The following ARHGAP10 variants were observed in gnomAD, a reference collection of about 807,000 sequenced individuals.
ARHGAP10 encodes the protein Rho GTPase activating protein 10, also known as rho GTPase-activating protein 10.
ARHGAP10 carries 87 observed loss-of-function variants against 108.6 expected under a neutral mutation model. That is an observed-to-expected ratio of 0.80 (90% confidence interval 0.67 to 0.96). The LOEUF (loss-of-function observed/expected upper bound fraction) is 0.96. ARHGAP10 is among the 40% of genes least tolerant of loss of function. The probability of loss-of-function intolerance (pLI) is 0.00; values close to 1 mark genes in which losing one functional copy is unlikely to be tolerated. For synonymous variants in ARHGAP10, 347 were observed against 341.1 expected (o/e 1.02, Z -0.19); for missense variants, 939 against 954.5 (o/e 0.98, Z 0.21).
At chr4:147,856,636 G>C (rs370422245) in intron 4 of ARHGAP10, among the ~76,000 whole-genome samples, 4 of 152,100 alleles carry the variant, frequency 2.6e-5, no homozygotes, top group Non-Finnish European at 5.9e-5. Flanking sequence ...TGAATTTCAC[G>C]TTTAGACTTA....
chr4:147,890,352 A>G (rs1387108855), intron 10 of ARHGAP10, among the ~76,000 whole-genome samples: 1 of 152,196 alleles, frequency 6.6e-6, no homozygotes, highest in Non-Finnish European at 1.5e-5. Context: ...AATTTACCAA[A>G]GGGTTACTTT....
chr4:148,034,837 G>A (rs1035918807), intron 19 of ARHGAP10, among the ~76,000 whole-genome samples: 4 of 152,062 alleles, frequency 2.6e-5, no homozygotes, highest in African/African-American at 9.7e-5. Context: ...AGTAGTTTTG[G>A]GTTCCCAAGA....
chr4:147,903,881 T>C (rs1278643240), intron 10 of ARHGAP10, among the ~76,000 whole-genome samples: 1 of 152,246 alleles, frequency 6.6e-6, no homozygotes, highest in Non-Finnish European at 1.5e-5. Context: ...CTTCAAAGTT[T>C]TGGTGGTTGT....
intron 10 of ARHGAP10, among the ~76,000 whole-genome samples, chr4:147,898,840 A>G (rs140557280): frequency 3.8e-4 from 54 of 141,834 alleles, no homozygotes; most frequent in African/African-American, 1.2e-3. Context: ...GTGGGGTGGG[A>G]TGGGTTGAGG....
chr4:147,891,857 G>A (rs1180480676), intron 10 of ARHGAP10, among the ~76,000 whole-genome samples: 2 of 152,032 alleles, frequency 1.3e-5, no homozygotes, highest in African/African-American at 4.8e-5. Flanking sequence ...TTTCTTCCCT[G>A]AAGGGTGGAA....
chr4:147,991,094 C>T (rs986590989), intron 18 of ARHGAP10, among the ~76,000 whole-genome samples: 4 of 151,300 alleles, frequency 2.6e-5, no homozygotes, highest in Admixed American at 6.6e-5. Context: ...ACCAAACCCC[C>T]GTGACACACA....
intron 1 of ARHGAP10, among the ~76,000 whole-genome samples, chr4:147,805,782 G>A (rs559220189): frequency 6.6e-6 from 1 of 152,098 alleles, no homozygotes; most frequent in Non-Finnish European, 1.5e-5. Flanking sequence ...CCACTGCATC[G>A]TGGGCAACAG....
At chr4:147,868,697 G>A (rs115452441) in intron 7 of ARHGAP10, among the ~76,000 whole-genome samples, 2,847 of 152,302 alleles carry the variant, frequency 0.019, 46 homozygotes, top group Non-Finnish European at 0.029. Flanking sequence ...GAAGGTAGGG[G>A]ATGGTTTCGT....
intron 4 of ARHGAP10, among the ~76,000 whole-genome samples, chr4:147,850,685 G>A (rs1035785967): frequency 6.6e-6 from 1 of 152,100 alleles, no homozygotes; most frequent in Non-Finnish European, 1.5e-5. Context: ...GAGGGTCCGC[G>A]GCTTCGTTCT....
At chr4:147,973,154 T>G (rs979388880) in intron 18 of ARHGAP10, among the ~76,000 whole-genome samples, 6 of 152,148 alleles carry the variant, frequency 3.9e-5, no homozygotes, top group African/African-American at 7.2e-5. Flanking sequence ...TCAATTTTTT[T>G]TTGTTGTTTT....
intron 18 of ARHGAP10, among the ~76,000 whole-genome samples, chr4:148,013,063 A>C (rs373357791): frequency 4.7e-4 from 72 of 152,292 alleles, no homozygotes; most frequent in African/African-American, 1.6e-3. Context: ...CAATTAAAGC[A>C]AAGTGTTCCT....
At chr4:147,789,559 A>T (rs1034275232) in intron 1 of ARHGAP10, among the ~76,000 whole-genome samples, 1 of 152,216 alleles carries the variant, frequency 6.6e-6, no homozygotes, top group Non-Finnish European at 1.5e-5. Flanking sequence ...GGCGTGAGCC[A>T]CCATGCCCGG....
rs1038699533 is a variant in ARHGAP10 at position 147,754,773 on chromosome 4, T to G, written c.154+22318T>G. Among the ~76,000 whole-genome samples the G allele has an allele frequency of 5.9e-5, 9 of 152,116 alleles. No homozygotes were observed. The East Asian group carries it at 1.5e-3, about 26-fold the overall frequency. On this transcript the variant is annotated intron_variant, in intron 1 of 22. Coordinates refer to ENST00000336498, the MANE Select transcript of ARHGAP10 (RefSeq NM_024605.4). The stretch of plus-strand genomic sequence containing the variant: ...CTACATAAGTTGTACATTCTTCTGT[T>G]AGAATTATAATGAAGTCCCTGAAGA...
At chr4:147,847,493 C>G (rs1016961227) in intron 4 of ARHGAP10, among the ~76,000 whole-genome samples, 3 of 152,202 alleles carry the variant, frequency 2.0e-5, no homozygotes, top group African/African-American at 7.2e-5. Context: ...CACATTTGCT[C>G]TGAATAGAAG....
chr4:148,058,511 C>G (rs1318386378), intron 20 of ARHGAP10, among the ~76,000 whole-genome samples: 3 of 152,152 alleles, frequency 2.0e-5, no homozygotes, highest in East Asian at 1.9e-4. Flanking sequence ...GTATATTATG[C>G]AAGAAATGTT....
rs184366722 is a variant in ARHGAP10, at chr4:147,803,045, G to A, written c.155-19682G>A. ...TTTTTTTGAGATGGAGCCTTGCTCT[G>A]TTGCCCAGGCTGGAGGGCAGTGGTG... On this transcript the variant is annotated intron_variant, in intron 1 of 22. Coordinates refer to ENST00000336498, the MANE Select transcript of ARHGAP10 (RefSeq NM_024605.4). Among the ~76,000 whole-genome samples, 9 of 151,112 alleles carry A rather than the reference G, an allele frequency of 6.0e-5. No individual in the cohort carries two copies. The East Asian group carries it at 1.7e-3, about 29-fold the overall frequency.
At chr4:147,950,067 C>T (rs547919214) in intron 15 of ARHGAP10, among the ~76,000 whole-genome samples, 1 of 152,236 alleles carries the variant, frequency 6.6e-6, no homozygotes, top group African/African-American at 2.4e-5. Context: ...ACATTGCCTA[C>T]AGAACGACAT....
chr4:147,939,895 G>C lies in ARHGAP10; in HGVS notation c.1299G>C (p.Leu433Phe), dbSNP rs1161672212. Residue 433 changes from leucine to phenylalanine, a missense_variant, in exon 14 of 23, where the codon TTG (leucine) becomes TTC (phenylalanine). Physicochemically the swap from Leu to Phe is conservative, Grantham distance 22. Transcript: ENST00000336498. ...AGGTCCAGAGACTTCTGAGTATGTT[G>C]ATGGGTATGCCTCTTTTCTAATCAT... is the stretch of plus-strand genomic sequence containing the variant. Reference protein sequence around the residue: ...SSKVQRLLSMLMDVKTCNEVD... With the variant: ...SSKVQRLLSMFMDVKTCNEVD... 1.9e-6 allele frequency: 3 copies of C among 1,612,964 alleles called. No individual in the cohort carries two copies. The highest frequency in any genetic ancestry group is 2.5e-6 in the Non-Finnish European group (3 of 1,179,050).
At chr4:147,883,696 TTTC>T (rs1158008335) in intron 10 of ARHGAP10, among the ~76,000 whole-genome samples, 2 of 152,226 alleles carry the variant, frequency 1.3e-5, no homozygotes, top group East Asian at 3.9e-4. Context: ...CTTTTTCTTT[TTTC>T]TTTCTTTTTT....
Sources: allele counts gnomAD v4.1 joint callset (sites outside exome capture counted in the v4.1 genomes callset), GRCh38; gene constraint gnomAD v4.1.1; transcripts MANE v1.5; gene names NCBI Gene and HGNC (gene_info 2026-07-23, HGNC 2026-07-21).